The following UTRN variants were observed in gnomAD, a reference collection of about 807,000 sequenced individuals.
UTRN encodes dystrophin-related protein 1.
In UTRN, 283 loss-of-function variants were observed where a neutral mutation model predicts 463.9. The observed-to-expected ratio is 0.61, with a 90% CI of 0.55 to 0.67. The LOEUF (loss-of-function observed/expected upper bound fraction) is 0.67. UTRN is among the 30% of genes least tolerant of loss of function. The probability of loss-of-function intolerance (pLI) is 0.00; values close to 1 mark genes in which losing one functional copy is unlikely to be tolerated. For synonymous variants in UTRN, 1,442 were observed against 1,431.5 expected (o/e 1.01, Z -0.17); for missense variants, 3,922 against 4,084.3 (o/e 0.96, Z 1.08).
At chr6:144,663,721 A>G (rs535040136) in intron 51 of UTRN, among the ~76,000 whole-genome samples, 3 of 152,286 alleles carry the variant, frequency 2.0e-5, no homozygotes, top group Admixed American at 6.5e-5. Flanking sequence ...CTCCTTGGGC[A>G]AAGATGCTTC....
chr6:144,551,995 C>T (rs551793401), intron 48 of UTRN, among the ~76,000 whole-genome samples: 2 of 152,204 alleles, frequency 1.3e-5, no homozygotes, highest in Non-Finnish European at 2.9e-5. Flanking sequence ...TATGGCCTTT[C>T]CCCCCATTGC....
chr6:144,735,836 C>T (rs997506309), intron 54 of UTRN, among the ~76,000 whole-genome samples: 2 of 151,794 alleles, frequency 1.3e-5, no homozygotes, highest in South Asian at 2.1e-4. Context: ...TCTAGTCATG[C>T]GTCATTCATA....
chr6:144,827,691 T>C lies in UTRN; in HGVS notation c.9599+15T>C, dbSNP rs150704202. On this transcript the variant is annotated intron_variant, in intron 68 of 74. Coordinates refer to ENST00000367545, the MANE Select transcript of UTRN (RefSeq NM_007124.3). ...TATGCCACACGGTAAGAAACTTTGA[T>C]CAGAGCCCTCCACTGCACTGCCACC... is the stretch of plus-strand genomic sequence containing the variant. 1,149 of 1,613,004 alleles carry C rather than the reference T, an allele frequency of 7.1e-4. 14 individuals are homozygous for C. In the African/African-American group the frequency reaches 0.014, roughly 20 times the overall value.
At chr6:144,593,723 G>A (rs1168465772) in intron 51 of UTRN, among the ~76,000 whole-genome samples, 1 of 151,974 alleles carries the variant, frequency 6.6e-6, no homozygotes, top group Non-Finnish European at 1.5e-5. Flanking sequence ...GAGAACATTG[G>A]GTACTTGTCC....
At chr6:144,594,711 T>C (rs1803463755) in intron 51 of UTRN, among the ~76,000 whole-genome samples, 1 of 152,160 alleles carries the variant, frequency 6.6e-6, no homozygotes, top group African/African-American at 2.4e-5. Context: ...ATCACTATAA[T>C]CTAATTTTAG....
intron 2 of UTRN, among the ~76,000 whole-genome samples, chr6:144,357,947 A>G (rs1584424847): frequency 6.6e-6 from 1 of 152,222 alleles, no homozygotes; most frequent in Non-Finnish European, 1.5e-5. Flanking sequence ...CCTCCCCGCC[A>G]TCTTGTCCCC....
intron 54 of UTRN, among the ~76,000 whole-genome samples, chr6:144,748,040 C>CT (rs1461860539): frequency 6.6e-6 from 1 of 151,996 alleles, no homozygotes; most frequent in African/African-American, 2.4e-5. Flanking sequence ...TTTTATTATC[C>CT]TTTTGAGTGT....
At position 144,423,928 on chromosome 6, in the gene UTRN, C is replaced by T. The variant is rs1785073754; in HGVS notation, c.313-58C>T. 1.2e-5 allele frequency: 19 copies of T among 1,541,020 alleles called. No homozygotes were observed. In the South Asian group the frequency reaches 1.6e-4, roughly 13 times the overall value. On this transcript the variant is annotated intron_variant, in intron 5 of 74. Transcript: ENST00000367545. ...TGTGCTAAAATAAAAACCTGGAGTTCTGTGAAGAAATTGTCTTAAAAGCGT... is the reference window on the plus strand; with the variant it reads ...TGTGCTAAAATAAAAACCTGGAGTTTTGTGAAGAAATTGTCTTAAAAGCGT...
intron 2 of UTRN, among the ~76,000 whole-genome samples, chr6:144,315,848 A>G (rs550974093): frequency 8.5e-5 from 13 of 152,292 alleles, no homozygotes; most frequent in African/African-American, 2.9e-4. Context: ...TCTGGTGATG[A>G]TCTGGCAGAA....
intron 1 of UTRN, among the ~76,000 whole-genome samples, chr6:144,291,284 A>G (rs1322531531): frequency 6.6e-6 from 1 of 152,136 alleles, no homozygotes; most frequent in African/African-American, 2.4e-5. Context: ...CTTGTGCTCC[A>G]TTCTTTGACT....
intron 64 of UTRN, chr6:144,799,276 C>A: frequency 2.9e-6 from 1 of 339,942 alleles, no homozygotes; most frequent in Non-Finnish European, 6.1e-6. Flanking sequence ...TTCAAAAGTT[C>A]TCTTCTCTCA....
At chr6:144,439,486 T>C (rs924074511) in intron 12 of UTRN, among the ~76,000 whole-genome samples, 2 of 150,706 alleles carry the variant, frequency 1.3e-5, no homozygotes, top group African/African-American at 5.0e-5. Flanking sequence ...TTTAAATAAA[T>C]TTTCTTTCTT....
chr6:144,614,905 A>G (rs1302871053), intron 51 of UTRN, among the ~76,000 whole-genome samples: 1 of 152,170 alleles, frequency 6.6e-6, no homozygotes, highest in African/African-American at 2.4e-5. Flanking sequence ...AACAAAGATA[A>G]CGTGTAGCTT....
chr6:144,814,826 G>A (rs894323086), intron 65 of UTRN, among the ~76,000 whole-genome samples: 5 of 152,152 alleles, frequency 3.3e-5, no homozygotes, highest in East Asian at 1.9e-4. Flanking sequence ...ATCATCTCTT[G>A]TGTCCTTGAG....
chr6:144,504,673 A>T (rs1177356799), intron 34 of UTRN, among the ~76,000 whole-genome samples: 1 of 152,224 alleles, frequency 6.6e-6, no homozygotes, highest in African/African-American at 2.4e-5. Context: ...CATTTTATTG[A>T]GGATTATCAC....
intron 65 of UTRN, among the ~76,000 whole-genome samples, chr6:144,809,811 G>T (rs561088802): frequency 6.6e-6 from 1 of 152,234 alleles, no homozygotes; most frequent in African/African-American, 2.4e-5. Flanking sequence ...TGAAGCTAAG[G>T]GGAAAAGGGT....
chr6:144,331,110 T>C, intron 2 of UTRN: 1 of 792,068 alleles, frequency 1.3e-6, no homozygotes, highest in Non-Finnish European at 1.5e-6. Context: ...ATAATTAGTG[T>C]GAAAATTACT....
intron 33 of UTRN, among the ~76,000 whole-genome samples, chr6:144,495,627 G>GC: frequency 6.6e-6 from 1 of 152,254 alleles, no homozygotes; most frequent in South Asian, 2.1e-4. Flanking sequence ...CTCAAGTGCT[G>GC]CCAAAGTGGG....
At chr6:144,800,461 A>G (rs573606774) in intron 64 of UTRN, among the ~76,000 whole-genome samples, 2 of 152,324 alleles carry the variant, frequency 1.3e-5, no homozygotes, top group African/African-American at 2.4e-5. Context: ...TAGAGATGTG[A>G]AGTTGACCAG....
Sources: gnomAD v4.1 joint callset for allele counts (sites outside exome capture counted in the v4.1 genomes callset) on GRCh38, gnomAD v4.1.1 for gene constraint, MANE v1.5 for transcripts, NCBI Gene and HGNC (gene_info 2026-07-23, HGNC 2026-07-21) for gene names.